The following VPS51 variants were observed in gnomAD, a reference collection of about 807,000 sequenced individuals.
VPS51 encodes vacuolar protein sorting-associated protein 51 homolog.
Under a neutral mutation model 65.1 loss-of-function variants are expected in VPS51, and 55 were observed. The observed-to-expected ratio is 0.84, with a 90% CI of 0.68 to 1.06. The LOEUF (loss-of-function observed/expected upper bound fraction) is 1.06. VPS51 is among the 50% of genes least tolerant of loss of function. The pLI is 0.00. For missense variants in VPS51, 943 were observed against 1,101.6 expected (o/e 0.86, Z 2.04); for synonymous variants, 473 against 489.5 (o/e 0.97, Z 0.44).
intron 2 of VPS51, among the ~76,000 whole-genome samples, chr11:65,099,836 C>T (rs1947796287): frequency 6.6e-6 from 1 of 152,088 alleles, no homozygotes; most frequent in African/African-American, 2.4e-5. Flanking sequence ...GGTGCGGTGG[C>T]TTATGCCTAT....
chr11:65,107,421 G>T lies in VPS51; in HGVS notation c.359-160G>T. 1 of 797,384 alleles carries T rather than the reference G, an allele frequency of 1.3e-6. No individual in the cohort carries two copies. The highest frequency in any genetic ancestry group is 2.0e-6 in the Non-Finnish European group (1 of 508,708). 49.4% of individuals were successfully genotyped at this position (797,384 alleles called of 1,614,324 possible). A position where few individuals can be genotyped will look rare whatever the true frequency, so the allele number is the denominator to read the frequency against. On this transcript the variant is annotated intron_variant, in intron 2 of 9. Coordinates refer to ENST00000279281, the MANE Select transcript of VPS51 (RefSeq NM_013265.4). This position sits in a 1 kb window ranked among gnomAD's most constrained non-coding sequence, Gnocchi z 4.0. ...CATAAACCCCCTCCCCCGCCCCCAT[G>T]TGCGCTGTGACCCACGCCCTCGCAG...
Position 65,096,285 on chromosome 11 carries a change from G to T in VPS51, c.35G>T (p.Gly12Val), listed in dbSNP as rs779664684. 22 of 1,519,068 alleles carry T rather than the reference G, an allele frequency of 1.4e-5. No homozygotes were observed. In the South Asian group the frequency reaches 2.2e-4, roughly 15 times the overall value. 94.1% of individuals were successfully genotyped at this position (1,519,068 alleles called of 1,614,324 possible). ...AAAAAAGPSPGSGPGDSPEGP... is the reference protein window; with the variant it reads ...AAAAAAGPSPVSGPGDSPEGP... ...GCAGCTGCCGCCGGGCCTAGCCCGG[G>T]GTCTGGACCTGGGGACTCCCCAGAA... The change falls in exon 1 of 10, where the codon GGG (glycine) becomes GTG (valine). Residue 12 changes from glycine to valine, a missense_variant. Coordinates refer to ENST00000279281, the MANE Select transcript of VPS51 (RefSeq NM_013265.4).
At chr11:65,106,548 A>G (rs901173380) in intron 2 of VPS51, among the ~76,000 whole-genome samples, 7 of 152,098 alleles carry the variant, frequency 4.6e-5, no homozygotes, top group Non-Finnish European at 7.4e-5. Context: ...TCAGGAGATC[A>G]AGACCATCCT....
intron 1 of VPS51, 115 bp from the exon 2 acceptor site, chr11:65,096,883 T>G (rs1470235115): frequency 1.4e-6 from 2 of 1,469,124 alleles, no homozygotes; most frequent in African/African-American, 2.8e-5. Context: ...CCGGCGGGGG[T>G]TTGCGGGGTG....
At chr11:65,110,187 C>A in intron 7 of VPS51, 2 of 622,568 alleles carry the variant, frequency 3.2e-6, no homozygotes, top group Non-Finnish European at 5.6e-6. Context: ...ATTATGACAT[C>A]TTCGCCCCTA....
At chr11:65,097,446 G>C (rs1031903394) in intron 2 of VPS51, among the ~76,000 whole-genome samples, 2 of 152,128 alleles carry the variant, frequency 1.3e-5, no homozygotes, top group Non-Finnish European at 1.5e-5. Context: ...CTGCAGCCTC[G>C]ACATCCCAGG....
In VPS51 at chr11:65,111,817, C is replaced by A. The variant is rs1165378349; in HGVS notation, c.*230C>A. On this transcript the variant is annotated 3_prime_UTR_variant, in exon 10 of 10. Transcript: ENST00000279281. ...GCGCCGATTGGCTGGTGTGCTGGGC[C>A]CAGCATGGGCAGGGGGCGGTTCCAC... 4 of 930,806 alleles carry A rather than the reference C, an allele frequency of 4.3e-6. No homozygotes were observed. The African/African-American group carries it at 5.0e-5, about 12-fold the overall frequency. 57.7% of individuals were successfully genotyped at this position (930,806 alleles called of 1,614,324 possible).
chr11:65,109,287 T>G lies in VPS51; in HGVS notation c.1451T>G (p.Phe484Cys). The G allele has an allele frequency of 6.2e-7, 1 of 1,611,186 alleles. No individual in the cohort carries two copies. Among genetic ancestry groups the G allele is most frequent in the South Asian group, 1.1e-5 (1 of 91,034 alleles). The change falls in exon 6 of 10, where the codon TTC becomes TGC. Residue 484 changes from phenylalanine (F) to cysteine (C), a missense_variant. By Grantham distance (205) the Phe-to-Cys change is radical. This residue lies in a region of VPS51 where 855 missense variants were observed against 953.7 expected (regional missense o/e 0.90). Coordinates refer to ENST00000279281, the MANE Select transcript of VPS51 (RefSeq NM_013265.4). Reference protein sequence around the residue: ...FSNKPYFRGEFCSQGVREGLI... With the variant: ...FSNKPYFRGECCSQGVREGLI... ...GGGCACCTTCTCTTGCAGGGTGAGT[T>G]CTGCAGTCAGGGTGTCCGTGAGGGC...
In VPS51 at chr11:65,111,311, G is replaced by T; in HGVS notation, c.2089-16G>T. ...CCTGCAGTCCCCAAGCTGCATCCCT[G>T]TGTCCCTGCCTGCAGGTGTCGGTGC... On this transcript the variant is annotated splice_polypyrimidine_tract_variant and intron_variant, in intron 9 of 9. Transcript: ENST00000279281. The T allele has an allele frequency of 1.9e-6, 3 of 1,600,696 alleles. No homozygotes were observed. Among genetic ancestry groups the T allele is most frequent in the Non-Finnish European group, 2.5e-6 (3 of 1,179,756 alleles).
chr11:65,100,039 G>A (rs957997285), intron 2 of VPS51, among the ~76,000 whole-genome samples: 1 of 151,930 alleles, frequency 6.6e-6, no homozygotes, highest in African/African-American at 2.4e-5. Context: ...GGAGGCGGAG[G>A]TTGCAGTGAG....
Position 65,096,340 on chromosome 11 carries a change from G to T in VPS51, c.90G>T (p.Arg30=). 6.6e-7 allele frequency: 1 copy of T among 1,520,016 alleles called. No homozygotes were observed. The highest frequency in any genetic ancestry group is 8.8e-7 in the Non-Finnish European group (1 of 1,140,342). The allele number at this position is 1,520,016 out of a possible 1,614,324, so 94.2% of individuals were successfully genotyped here. The change falls in exon 1 of 10, where the codon CGG becomes CGT. Residue 30 remains arginine (R), a synonymous_variant. Transcript: ENST00000279281. ...EGPEGEAPER[R]RKAHGMLKLY... ...CCGAGGGGGAGGCTCCGGAGCGTCGGCGGAAGGCGCACGGGATGCTGAAGC... is the reference window on the plus strand; with the variant it reads ...CCGAGGGGGAGGCTCCGGAGCGTCGTCGGAAGGCGCACGGGATGCTGAAGC...
rs548023737 is a variant in VPS51 at position 65,102,431 on chromosome 11, T to C, written c.359-5150T>C. On this transcript the variant is annotated intron_variant, in intron 2 of 9. Coordinates refer to ENST00000279281, the MANE Select transcript of VPS51 (RefSeq NM_013265.4). ...TTTTATCTCCAGTGTAATGGCTCCA[T>C]GGCTGGGAAGGCAGCGACAATGACA... is the stretch of plus-strand genomic sequence containing the variant. Among the ~76,000 whole-genome samples the C allele has an allele frequency of 2.7e-4, 41 of 152,348 alleles. No individual in the cohort carries two copies. The South Asian group carries it at 8.1e-3, about 30-fold the overall frequency.
chr11:65,097,480 AC>A (rs1947778956), intron 2 of VPS51, among the ~76,000 whole-genome samples: 1 of 152,062 alleles, frequency 6.6e-6, no homozygotes, highest in African/African-American at 2.4e-5. Context: ...TCTGGATCCT[AC>A]CAAAGCACTG....
chr11:65,101,371 T>A (rs1308816921), intron 2 of VPS51, among the ~76,000 whole-genome samples: 1 of 152,130 alleles, frequency 6.6e-6, no homozygotes, highest in Non-Finnish European at 1.5e-5. Flanking sequence ...CATTTACTTG[T>A]GTCAAAATTA....
intron 1 of VPS51, 142 bp from the exon 2 acceptor site, chr11:65,096,856 C>A: frequency 7.6e-7 from 1 of 1,323,050 alleles, no homozygotes; most frequent in Non-Finnish European, 1.0e-6. Context: ...GGGCCCCCTG[C>A]CTGGGATTCC....
chr11:65,108,459 G>A lies in VPS51; in HGVS notation c.988G>A (p.Gly330Ser). The A allele has an allele frequency of 1.2e-6, 2 of 1,610,468 alleles. No individual in the cohort carries two copies. The highest frequency in any genetic ancestry group is 1.7e-6 in the Non-Finnish European group (2 of 1,179,314). The change falls in exon 5 of 10, where the codon GGC becomes AGC. Residue 330 changes from glycine (G) to serine (S), a missense_variant. Gly to Ser is a moderately conservative substitution (Grantham distance 56). Coordinates refer to ENST00000279281, the MANE Select transcript of VPS51 (RefSeq NM_013265.4). Reference protein sequence around the residue: ...AAYQELFAAQGPAGAEKLAAF... With the variant: ...AAYQELFAAQSPAGAEKLAAF... The stretch of plus-strand genomic sequence containing the variant: ...CTACCAGGAGCTGTTTGCGGCCCAG[G>A]GCCCAGCAGGTGCCGAGAAGCTGGC...
At position 65,109,723 on chromosome 11, in the gene VPS51, C is replaced by A. The variant is rs1225657037; in HGVS notation, c.1678C>A (p.Pro560Thr). Reference sequence around the variant, plus strand: ...GGCTCAGGATCAGTTCCCAGTGACGCCCGTGAGCACGCTGTGTGCAGAGGC... The same window carrying A: ...GGCTCAGGATCAGTTCCCAGTGACGACCGTGAGCACGCTGTGTGCAGAGGC... ...FLVQDQFPVT[P>T]VSTLCAEARE... The change falls in exon 7 of 10, where the codon CCC (proline) becomes ACC (threonine). Residue 560 changes from proline to threonine, a missense_variant. Transcript: ENST00000279281. 6.3e-7 allele frequency: 1 copy of A among 1,576,448 alleles called. No individual in the cohort carries two copies. The highest frequency in any genetic ancestry group is 1.3e-5 in the African/African-American group (1 of 74,370).
In VPS51 at chr11:65,108,217, C is replaced by G. The variant is rs775394069; in HGVS notation, c.746C>G (p.Pro249Arg). The G allele has an allele frequency of 1.3e-6, 2 of 1,599,502 alleles. No homozygotes were observed. Among genetic ancestry groups the G allele is most frequent in the Admixed American group, 3.4e-5 (2 of 58,726 alleles). The change falls in exon 5 of 10, where the codon CCG becomes CGG. Residue 249 changes from proline to arginine, a missense_variant. By Grantham distance (103) the Pro-to-Arg change is moderately radical (BLOSUM62 -2). Coordinates refer to ENST00000279281, the MANE Select transcript of VPS51 (RefSeq NM_013265.4). Reference protein sequence around the residue: ...QRFREGGSGAPEQAECVELLL... With the variant: ...QRFREGGSGAREQAECVELLL... Reference sequence around the variant, plus strand: ...TGCAGGGAGGGCGGCTCAGGCGCCCCGGAGCAGGCAGAGTGCGTGGAGCTG... The same window carrying G: ...TGCAGGGAGGGCGGCTCAGGCGCCCGGGAGCAGGCAGAGTGCGTGGAGCTG...
Position 65,111,786 on chromosome 11 carries a change from C to T in VPS51, c.*199C>T. ...TCTGAGGCGCCCGCGTCGGGTCCGC[C>T]CCCGAGCGCCGATTGGCTGGTGTGC... On this transcript the variant is annotated 3_prime_UTR_variant, in exon 10 of 10. Transcript: ENST00000279281. 2 of 1,052,852 alleles carry T rather than the reference C, an allele frequency of 1.9e-6. No individual in the cohort carries two copies. Among genetic ancestry groups the T allele is most frequent in the Non-Finnish European group, 2.7e-6 (2 of 750,592 alleles). The allele number at this position is 1,052,852 out of a possible 1,614,324, so 65.2% of individuals were successfully genotyped here. A position where few individuals can be genotyped will look rare whatever the true frequency, so the allele number is the denominator to read the frequency against.
Sources: allele counts gnomAD v4.1 joint callset (sites outside exome capture counted in the v4.1 genomes callset), GRCh38; gene constraint gnomAD v4.1.1; regional missense constraint gnomAD v4.1.1; non-coding constraint Gnocchi (gnomAD v3.1); transcripts MANE v1.5; gene names NCBI Gene and HGNC (gene_info 2026-07-23, HGNC 2026-07-21).